The following PRKX variants were observed in gnomAD, a reference collection of about 807,000 sequenced individuals.
PRKX encodes the protein cAMP-dependent protein kinase catalytic subunit PRKX.
PRKX carries 12 observed loss-of-function variants against 22.0 expected under a neutral mutation model. The observed-to-expected ratio is 0.54, with a 90% CI of 0.35 to 0.88. The LOEUF (loss-of-function observed/expected upper bound fraction) is 0.88. Among genes scored for constraint, PRKX ranks in the 40% least tolerant of loss-of-function variants. PRKX has a pLI of 0.01. For synonymous variants in PRKX, 134 were observed against 137.7 expected, an observed-to-expected ratio of 0.97 and a Z score of 0.19; for missense variants, 217 against 308.0, an observed-to-expected ratio of 0.70 and a Z score of 2.21.
chrX:3,626,210 G>T (rs1926656712), intron 5 of PRKX, among the ~76,000 whole-genome samples: 2 of 112,070 alleles, frequency 1.8e-5, no homozygotes, highest in African/African-American at 6.5e-5. Context: ...ACACAATACG[G>T]CCAAGACTCA....
intron 1 of PRKX, among the ~76,000 whole-genome samples, chrX:3,701,796 A>C (rs1300890358): frequency 8.9e-6 from 1 of 111,807 alleles, no homozygotes; most frequent in Non-Finnish European, 1.9e-5. Context: ...TGGTGACAAG[A>C]GTGACCTCTG....
intron 3 of PRKX, among the ~76,000 whole-genome samples, chrX:3,652,908 A>C (rs186591543): frequency 3.4e-3 from 372 of 110,974 alleles, no homozygotes; most frequent in African/African-American, 0.012. Context: ...AGCGTCTCCA[A>C]GCCAAGGAGA....
chrX:3,647,481 T>A (rs1927213281), intron 3 of PRKX, among the ~76,000 whole-genome samples: 1 of 105,812 alleles, frequency 9.5e-6, no homozygotes, highest in African/African-American at 3.4e-5. Context: ...TATTAGTATA[T>A]TAATATATAC....
At chrX:3,695,084 C>A (rs1928418500) in intron 1 of PRKX, among the ~76,000 whole-genome samples, 1 of 111,244 alleles carries the variant, frequency 9.0e-6, no homozygotes, top group African/African-American at 3.3e-5. Flanking sequence ...AAAAATGGAC[C>A]CTCCAACGGG....
intron 1 of PRKX, among the ~76,000 whole-genome samples, chrX:3,687,469 A>G (rs1928200703): frequency 8.9e-6 from 1 of 112,047 alleles, no homozygotes; most frequent in African/African-American, 3.2e-5. Context: ...TTTGAGGATT[A>G]TACACCTAAG....
chrX:3,639,615 T>C (rs1456612213), intron 4 of PRKX, among the ~76,000 whole-genome samples: 1 of 106,480 alleles, frequency 9.4e-6, no homozygotes, highest in African/African-American at 3.5e-5. Context: ...CATAGATAAA[T>C]AGACAGGTGG....
chrX:3,706,730 A>G lies in PRKX; in HGVS notation c.166+6358T>C, dbSNP rs776537591. On this transcript the variant is annotated intron_variant, in intron 1 of 8. Coordinates refer to ENST00000262848, the MANE Select transcript of PRKX (RefSeq NM_005044.5). ...TAGATGACTCTGCTTTTGTCGTCCA[A>G]TCCCAATGTGCACGCCCTGCTTTCC... Among the ~76,000 whole-genome samples the G allele has an allele frequency of 6.2e-5, 7 of 112,401 alleles. No homozygotes were observed. The South Asian group carries it at 1.1e-3, about 18-fold the overall frequency.
chrX:3,653,911 GAT>G (rs1352884115), intron 3 of PRKX, among the ~76,000 whole-genome samples: 8 of 67,666 alleles, frequency 1.2e-4, no homozygotes, highest in African/African-American at 4.3e-4. Context: ...TATACTATGT[GAT>G]ATATATAATA....
chrX:3,618,620 TA>T (rs58324502), intron 6 of PRKX, among the ~76,000 whole-genome samples: 11 of 108,722 alleles, frequency 1.0e-4, no homozygotes, highest in African/African-American at 1.7e-4. Flanking sequence ...TGTGTTAATT[TA>T]AAAAAAAAAT....
chrX:3,655,545 C>T, intron 2 of PRKX, 133 bp from the exon 3 acceptor site: 5 of 726,526 alleles, frequency 6.9e-6, no homozygotes, highest in Non-Finnish European at 1.0e-5. Context: ...TAGCTGGGGA[C>T]AGATGTCGGG....
At chrX:3,613,882 AAG>A (rs1491589041) in intron 7 of PRKX, among the ~76,000 whole-genome samples, 1 of 94,481 alleles carries the variant, frequency 1.1e-5, no homozygotes, top group East Asian at 4.7e-4. Flanking sequence ...AAAAAAAAAG[AAG>A]CGTATCATCC....
intron 4 of PRKX, among the ~76,000 whole-genome samples, chrX:3,633,639 T>C (rs1926831180): frequency 9.0e-6 from 1 of 111,651 alleles, no homozygotes; most frequent in Admixed American, 9.6e-5. Context: ...AAAATTTGAA[T>C]GTAACCATTC....
intron 7 of PRKX, among the ~76,000 whole-genome samples, chrX:3,614,553 CAT>C (rs1926378522): frequency 9.0e-6 from 1 of 111,357 alleles, no homozygotes; most frequent in Non-Finnish European, 1.9e-5. Flanking sequence ...TGTTCCCACT[CAT>C]ATGTGGGAGC....
chrX:3,612,068 C>A (rs187930119), intron 8 of PRKX, 109 bp downstream of exon 8: 6 of 714,893 alleles, frequency 8.4e-6, no homozygotes, highest in Non-Finnish European at 1.2e-5. Context: ...TGCTTCACTG[C>A]TGACCTCTGT....
At chrX:3,679,407 C>T (rs1417585615) in intron 1 of PRKX, among the ~76,000 whole-genome samples, 1 of 112,759 alleles carries the variant, frequency 8.9e-6, no homozygotes, top group East Asian at 2.8e-4. Flanking sequence ...TGTTCTTTTG[C>T]AGGGCTGCAA....
At chrX:3,682,420 C>A (rs1245402678) in intron 1 of PRKX, among the ~76,000 whole-genome samples, 1 of 110,977 alleles carries the variant, frequency 9.0e-6, no homozygotes, top group African/African-American at 3.3e-5. Context: ...AGGGTCTTTG[C>A]AGATGTGATT....
At position 3,650,447 on chromosome X, in the gene PRKX, G is replaced by C. The variant is rs781221916; in HGVS notation, c.599+4702C>G. Among the ~76,000 whole-genome samples, 6 of 99,709 alleles carry C rather than the reference G, an allele frequency of 6.0e-5. No individual in the cohort carries two copies. In the East Asian group the frequency reaches 1.6e-3, roughly 27 times the overall value. 86.6% of individuals were successfully genotyped at this position (99,709 alleles called of 115,157 possible). On this transcript the variant is annotated intron_variant, in intron 3 of 8. Transcript: ENST00000262848. ...GAGGCAGGAGAATGGCGTGAACCCG[G>C]GAGGCAGAGCTTGCAGTGAGCCGAG...
Position 3,666,676 on chromosome X carries a change from G to A in PRKX, c.335+7922C>T, listed in dbSNP as rs1313176246. On this transcript the variant is annotated intron_variant, in intron 2 of 8. Transcript: ENST00000262848. ...GTCCCAGCTCAACTTGAGAGCCTGAGGTAGGAGGACTGCTTGAGCCTGGTA... is the reference window on the plus strand; with the variant it reads ...GTCCCAGCTCAACTTGAGAGCCTGAAGTAGGAGGACTGCTTGAGCCTGGTA... Among the ~76,000 whole-genome samples the A allele has an allele frequency of 4.5e-5, 5 of 110,867 alleles. No homozygotes were observed. The Admixed American group carries it at 4.8e-4, about 11-fold the overall frequency.
chrX:3,676,403 C>G (rs1398928338), intron 1 of PRKX, among the ~76,000 whole-genome samples: 12 of 111,703 alleles, frequency 1.1e-4, no homozygotes, highest in Middle Eastern at 4.6e-3. Context: ...TTGCAAAACC[C>G]AAGAGAACCA....
Sources: gnomAD v4.1 joint callset for allele counts (sites outside exome capture counted in the v4.1 genomes callset) on GRCh38, gnomAD v4.1.1 for gene constraint, MANE v1.5 for transcripts, NCBI Gene and HGNC (gene_info 2026-07-23, HGNC 2026-07-21) for gene names.